IL1RAPL1: variants seen among roughly 807,000 people sequenced by gnomAD.
The protein encoded by IL1RAPL1 is interleukin 1 receptor accessory protein like 1.
IL1RAPL1 carries 3 observed loss-of-function variants against 48.4 expected under a neutral mutation model. The observed-to-expected ratio is 0.06, with a 90% CI of 0.03 to 0.16. IL1RAPL1 has a LOEUF of 0.16. Ranked by LOEUF, IL1RAPL1 falls within the 10% of genes least tolerant of loss-of-function variation. The pLI is 1.00. For missense variants in IL1RAPL1, 349 were observed against 530.6 expected, an observed-to-expected ratio of 0.66 and a Z score of 3.36; for synonymous variants, 185 against 187.7, an observed-to-expected ratio of 0.99 and a Z score of 0.12.
intron 6 of IL1RAPL1, among the ~76,000 whole-genome samples, chrX:29,857,728 A>G (rs888792125): frequency 8.9e-6 from 1 of 111,908 alleles, no homozygotes; most frequent in Non-Finnish European, 1.9e-5. Context: ...TATTTGACAC[A>G]GGAGCCCTTG....
intron 1 of IL1RAPL1, among the ~76,000 whole-genome samples, chrX:28,676,796 T>G (rs1935002714): frequency 9.1e-6 from 1 of 110,307 alleles, no homozygotes; most frequent in Admixed American, 9.7e-5. Context: ...TCTTGAGGAC[T>G]TATATTGTTT....
intron 2 of IL1RAPL1, among the ~76,000 whole-genome samples, chrX:29,230,504 C>CAAATAAAAAA (rs1931170482): frequency 6.0e-5 from 1 of 16,589 alleles, no homozygotes; most frequent in Admixed American, 1.2e-3. Context: ...GTCCCTTTAC[C>CAAATAAAAAA]AAAAAAAAAA....
At chrX:29,487,168 C>T (rs763137137) in intron 5 of IL1RAPL1, among the ~76,000 whole-genome samples, 1 of 111,965 alleles carries the variant, frequency 8.9e-6, no homozygotes, top group African/African-American at 3.2e-5. Flanking sequence ...GTTCTTTTAA[C>T]CCTGATTGCC....
intron 6 of IL1RAPL1, among the ~76,000 whole-genome samples, chrX:29,878,896 G>A (rs754178839): frequency 2.8e-4 from 31 of 111,330 alleles, no homozygotes; most frequent in African/African-American, 9.8e-4. Context: ...CCTTACTTCT[G>A]GGCATTTACC....
At chrX:28,730,890 C>G (rs1291531064) in intron 1 of IL1RAPL1, among the ~76,000 whole-genome samples, 1 of 111,573 alleles carries the variant, frequency 9.0e-6, no homozygotes, top group Non-Finnish European at 1.9e-5. Context: ...AAATTTGACT[C>G]TAATTAATGA....
At chrX:28,989,913 A>G (rs1170556614) in intron 2 of IL1RAPL1, among the ~76,000 whole-genome samples, 1 of 111,959 alleles carries the variant, frequency 8.9e-6, no homozygotes, top group African/African-American at 3.2e-5. Context: ...CTAGGTAGTT[A>G]TGTTAAATAG....
chrX:29,529,656 T>C (rs1192770565), intron 5 of IL1RAPL1, among the ~76,000 whole-genome samples: 1 of 108,885 alleles, frequency 9.2e-6, no homozygotes, highest in Admixed American at 9.8e-5. Context: ...GTGTTATTAG[T>C]GTTAGATTTC....
intron 1 of IL1RAPL1, among the ~76,000 whole-genome samples, chrX:28,717,657 T>C (rs1935520117): frequency 9.0e-6 from 1 of 111,239 alleles, no homozygotes; most frequent in Admixed American, 9.6e-5. Flanking sequence ...AATAAAAGAA[T>C]AAAAAAAATC....
chrX:29,220,002 T>G (rs957015250), intron 2 of IL1RAPL1, among the ~76,000 whole-genome samples: 5 of 110,451 alleles, frequency 4.5e-5, no homozygotes, highest in African/African-American at 9.9e-5. Flanking sequence ...TGGGAGAAGT[T>G]AAAGTTTGTA....
chrX:29,903,773 T>A (rs974202446), intron 6 of IL1RAPL1, among the ~76,000 whole-genome samples: 6 of 111,987 alleles, frequency 5.4e-5, no homozygotes, highest in Admixed American at 2.8e-4. Flanking sequence ...AATGATTTTT[T>A]ATGATCAATT....
At chrX:29,848,517 G>A (rs1464196821) in intron 6 of IL1RAPL1, among the ~76,000 whole-genome samples, 3 of 111,209 alleles carry the variant, frequency 2.7e-5, no homozygotes, top group African/African-American at 9.8e-5. Flanking sequence ...TTATCCCACA[G>A]GGATTTCAAA....
At position 29,494,629 on chromosome X, in the gene IL1RAPL1, G is replaced by A. The variant is rs537794869; in HGVS notation, c.703+95321G>A. ...CATATGAGGTAAATTTAATGAGTTC[G>A]TTTCTTTTAATATCTAGACTAACTA... On this transcript the variant is annotated intron_variant, in intron 5 of 10. Coordinates refer to ENST00000378993, the MANE Select transcript of IL1RAPL1 (RefSeq NM_014271.4). Among the ~76,000 whole-genome samples, 30 of 111,912 alleles carry A rather than the reference G, an allele frequency of 2.7e-4. No homozygotes were observed. In the South Asian group the frequency reaches 3.4e-3, roughly 13 times the overall value.
At chrX:28,962,949 A>G (rs1381504553) in intron 2 of IL1RAPL1, among the ~76,000 whole-genome samples, 2 of 108,584 alleles carry the variant, frequency 1.8e-5, no homozygotes, top group African/African-American at 3.4e-5. Flanking sequence ...ATTAGCTACT[A>G]TCAAGTTTTT....
At chrX:29,567,403 G>A (rs1020311680) in intron 5 of IL1RAPL1, among the ~76,000 whole-genome samples, 2 of 111,689 alleles carry the variant, frequency 1.8e-5, no homozygotes, top group Non-Finnish European at 3.8e-5. Context: ...TAAATTTAGT[G>A]GAGAGGAAGG....
At chrX:28,626,713 C>T (rs1934344536) in intron 1 of IL1RAPL1, among the ~76,000 whole-genome samples, 1 of 112,533 alleles carries the variant, frequency 8.9e-6, no homozygotes, top group Non-Finnish European at 1.9e-5. Flanking sequence ...TCTAGCATAA[C>T]AGTTTCAAAG....
intron 2 of IL1RAPL1, among the ~76,000 whole-genome samples, chrX:28,967,227 G>C (rs1924943778): frequency 9.0e-6 from 1 of 111,439 alleles, no homozygotes. Context: ...GCTCCATCCT[G>C]CTGGAGTTGG....
intron 3 of IL1RAPL1, among the ~76,000 whole-genome samples, chrX:29,354,381 A>G (rs760557035): frequency 8.9e-6 from 1 of 111,962 alleles, no homozygotes; most frequent in Non-Finnish European, 1.9e-5. Context: ...GGTAATACAG[A>G]TTCTCCTCTG....
intron 5 of IL1RAPL1, among the ~76,000 whole-genome samples, chrX:29,466,501 T>G (rs936870923): frequency 8.9e-6 from 1 of 112,004 alleles, no homozygotes; most frequent in Admixed American, 9.5e-5. Context: ...GACTGAAACT[T>G]ATGACTTAAA....
chrX:29,361,339 C>T (rs894069352), intron 3 of IL1RAPL1, among the ~76,000 whole-genome samples: 1 of 112,010 alleles, frequency 8.9e-6, no homozygotes, highest in African/African-American at 3.2e-5. Context: ...CGCATTGGCT[C>T]AAACAGGTCA....
Sources: allele counts gnomAD v4.1 joint callset (sites outside exome capture counted in the v4.1 genomes callset), GRCh38; gene constraint gnomAD v4.1.1; transcripts MANE v1.5; gene names NCBI Gene and HGNC (gene_info 2026-07-23, HGNC 2026-07-21).